The following ESRRG variants were observed in gnomAD, a reference collection of about 807,000 sequenced individuals.
The protein encoded by ESRRG is estrogen related receptor gamma.
A neutral mutation model predicts 44.0 loss-of-function variants in ESRRG; 13 were observed. The observed-to-expected ratio is 0.30, with a 90% confidence interval of 0.19 to 0.47. The LOEUF (loss-of-function observed/expected upper bound fraction) is 0.47, where lower values mean the gene tolerates loss of function less well. ESRRG is among the 20% of genes least tolerant of loss of function. The probability of loss-of-function intolerance (pLI) is 1.00; values close to 1 mark genes in which losing one functional copy is unlikely to be tolerated. For missense variants in ESRRG, 395 were observed against 580.6 expected (o/e 0.68, Z 3.29); for synonymous variants, 215 against 214.6 (o/e 1.00, Z -0.02).
In ESRRG at chr1:216,984,636, C is replaced by T. The variant is rs557172958; in HGVS notation, c.-105-44963G>A. Among the ~76,000 whole-genome samples, 4 of 152,312 alleles carry T rather than the reference C, an allele frequency of 2.6e-5. No individual in the cohort carries two copies. In the South Asian group the frequency reaches 8.3e-4, roughly 32 times the overall value. On this transcript the variant is annotated intron_variant, in intron 1 of 7. Coordinates refer to the ESRRG transcript ENST00000359162. ...CTCAGCAAAAGCACAACCAACATTGCTGAAATCTCTAGGCTGTCTCCATTC... is the reference window on the plus strand; with the variant it reads ...CTCAGCAAAAGCACAACCAACATTGTTGAAATCTCTAGGCTGTCTCCATTC...
At chr1:216,669,614 G>A (rs545308300) in intron 2 of ESRRG, among the ~76,000 whole-genome samples, 8 of 152,330 alleles carry the variant, frequency 5.3e-5, no homozygotes, top group South Asian at 2.1e-4. Context: ...GGCTGGGCGC[G>A]GTGGCTCATG....
chr1:217,133,104 G>A lies in ESRRG; in HGVS notation c.-230+4563C>T, dbSNP rs1029843765. ...GGCCACAGAGGCCTAGCGCGGGAAGGACAGGCCAGAAAGAAGCCTGCTGTT... is the reference window on the plus strand; with the variant it reads ...GGCCACAGAGGCCTAGCGCGGGAAGAACAGGCCAGAAAGAAGCCTGCTGTT... On this transcript the variant is annotated intron_variant, in intron 1 of 8. Transcript: ENST00000366940. Among the ~76,000 whole-genome samples the A allele has an allele frequency of 2.6e-5, 4 of 152,208 alleles. No homozygotes were observed. The East Asian group carries it at 7.7e-4, about 29-fold the overall frequency.
chr1:217,087,236 T>A (rs1290075553), intron 1 of ESRRG, among the ~76,000 whole-genome samples: 2 of 152,212 alleles, frequency 1.3e-5, no homozygotes. Flanking sequence ...CAGATATTCC[T>A]CTCAGCAACA....
chr1:217,079,510 C>T (rs1010726657), intron 1 of ESRRG, among the ~76,000 whole-genome samples: 6 of 152,142 alleles, frequency 3.9e-5, no homozygotes, highest in African/African-American at 1.4e-4. Context: ...AATGATAATT[C>T]CCTTACATCT....
At chr1:216,967,917 G>A (rs183740695) in intron 1 of ESRRG, among the ~76,000 whole-genome samples, 4 of 152,098 alleles carry the variant, frequency 2.6e-5, no homozygotes, top group South Asian at 2.1e-4. Context: ...TATTGTCAGC[G>A]TCTTGGATTT....
In ESRRG at chr1:216,569,115, G is replaced by A. The variant is rs201119042; in HGVS notation, c.590-1017C>T. On this transcript the variant is annotated intron_variant, in intron 3 of 6. Coordinates refer to ENST00000408911, the MANE Select transcript of ESRRG (RefSeq NM_001438.4). ...AAGGAAGGAAGGAAGGAAGGAAGAA[G>A]GAAGGAAGGAAGGAAGGAAAGAAGG... 7.6e-4 allele frequency among the ~76,000 whole-genome samples: 84 copies of A among 110,088 alleles called. 1 individual carries two copies. The highest frequency in any genetic ancestry group is 1.2e-3 in the South Asian group (4 of 3,296). The allele number at this position is 110,088 out of a possible 152,430, so 72.2% of individuals were successfully genotyped here. A position where few individuals can be genotyped will look rare whatever the true frequency, so the allele number is the denominator to read the frequency against.
At chr1:216,765,022 A>T (rs1315395638) in intron 2 of ESRRG, among the ~76,000 whole-genome samples, 1 of 152,072 alleles carries the variant, frequency 6.6e-6, no homozygotes, top group East Asian at 1.9e-4. Context: ...GGCCGGGGGC[A>T]GTAATCTGGA....
At chr1:216,675,452 G>T (rs1186416359) in intron 2 of ESRRG, among the ~76,000 whole-genome samples, 1 of 152,102 alleles carries the variant, frequency 6.6e-6, no homozygotes, top group African/African-American at 2.4e-5. Flanking sequence ...TATTTAAAAG[G>T]ATTAGCACTT....
intron 1 of ESRRG, among the ~76,000 whole-genome samples, chr1:216,679,605 C>A (rs1466152870): frequency 6.6e-6 from 1 of 151,312 alleles, no homozygotes; most frequent in Non-Finnish European, 1.5e-5. Flanking sequence ...CTACAAGGCA[C>A]CGTTTTTTAA....
At chr1:216,699,696 C>A (rs1191317425) in intron 1 of ESRRG, among the ~76,000 whole-genome samples, 2 of 152,106 alleles carry the variant, frequency 1.3e-5, no homozygotes, top group African/African-American at 4.8e-5. Context: ...CTGCCCCCTT[C>A]ATGTCTAAAA....
chr1:216,741,868 C>G (rs2090780477), intron 2 of ESRRG, among the ~76,000 whole-genome samples: 1 of 152,182 alleles, frequency 6.6e-6, no homozygotes, highest in African/African-American at 2.4e-5. Flanking sequence ...GGTTCTCACT[C>G]TAAATCATCT....
chr1:216,788,003 G>A (rs954066514), intron 2 of ESRRG, among the ~76,000 whole-genome samples: 3 of 152,126 alleles, frequency 2.0e-5, no homozygotes, highest in East Asian at 1.9e-4. Flanking sequence ...TGAGGAAGCC[G>A]CAGAAGAAAA....
intron 1 of ESRRG, among the ~76,000 whole-genome samples, chr1:216,951,757 G>A (rs1342753754): frequency 2.3e-5 from 3 of 131,308 alleles, no homozygotes; most frequent in Non-Finnish European, 3.3e-5. Context: ...GTGTGTGTGT[G>A]TATACAGCAA....
intron 2 of ESRRG, among the ~76,000 whole-genome samples, chr1:216,745,007 G>C (rs2091224329): frequency 1.3e-5 from 2 of 152,136 alleles, no homozygotes; most frequent in African/African-American, 4.8e-5. Context: ...GAAATTGCTG[G>C]CTGAGCCATG....
chr1:217,000,443 A>G (rs1007190765), intron 1 of ESRRG: 1 of 152,148 alleles, frequency 6.6e-6, no homozygotes, highest in Admixed American at 6.5e-5. Flanking sequence ...CCTGTGTCCA[A>G]ATTGTCTCCT....
At position 217,049,895 on chromosome 1, in the gene ESRRG, C is replaced by A. The variant is rs11572414; in HGVS notation, c.-106+39612G>T. ...TGAAAGCAGCTGGTCTTCTCTGCTCCCATTTGGGAAGACTGGATGGAAAGG... is the reference window on the plus strand; with the variant it reads ...TGAAAGCAGCTGGTCTTCTCTGCTCACATTTGGGAAGACTGGATGGAAAGG... On this transcript the variant is annotated intron_variant, in intron 1 of 7. Coordinates refer to the ESRRG transcript ENST00000359162. 1.9e-3 allele frequency among the ~76,000 whole-genome samples: 286 copies of A among 152,286 alleles called. 2 individuals carry two copies. The highest frequency in any genetic ancestry group is 6.6e-3 in the African/African-American group (275 of 41,566).
At chr1:216,925,764 A>C (rs1485986632) in intron 2 of ESRRG, among the ~76,000 whole-genome samples, 1 of 152,052 alleles carries the variant, frequency 6.6e-6, no homozygotes, top group East Asian at 1.9e-4. Flanking sequence ...CAGCCTGTCC[A>C]ACATGGCAAA....
intron 2 of ESRRG, among the ~76,000 whole-genome samples, chr1:216,876,303 A>G (rs1196668165): frequency 1.3e-5 from 2 of 152,184 alleles, no homozygotes; most frequent in African/African-American, 4.8e-5. Context: ...AAAGTTTTAA[A>G]TAACAAATAG....
At chr1:216,816,677 A>C (rs973647051) in intron 2 of ESRRG, among the ~76,000 whole-genome samples, 7 of 152,230 alleles carry the variant, frequency 4.6e-5, no homozygotes, top group African/African-American at 1.7e-4. Context: ...CATTTAAAAG[A>C]TCTAAACTGA....
Sources: gnomAD v4.1 joint callset for allele counts (sites outside exome capture counted in the v4.1 genomes callset) on GRCh38, gnomAD v4.1.1 for gene constraint, MANE v1.5 for transcripts, NCBI Gene and HGNC (gene_info 2026-07-23, HGNC 2026-07-21) for gene names.